Variants in PREX2 observed in about 807,000 individuals in gnomAD.
PREX2 encodes the protein phosphatidylinositol-3,4,5-trisphosphate dependent Rac exchange factor 2, also known as phosphatidylinositol 3,4,5-trisphosphate-dependent Rac exchanger 2 protein.
A neutral mutation model predicts 203.2 loss-of-function variants in PREX2; 107 were observed. The ratio of observed to expected loss-of-function variants is 0.53; its 90% confidence interval spans 0.45 to 0.62. The LOEUF is 0.62. PREX2 is among the 20% of genes least tolerant of loss of function. The pLI is 0.00. For missense variants in PREX2, 1,777 were observed against 1,955.9 expected, an observed-to-expected ratio of 0.91 and a Z score of 1.72; for synonymous variants, 672 against 663.6, an observed-to-expected ratio of 1.01 and a Z score of -0.19.
chr8:68,208,701 A>G (rs1812690025), intron 37 of PREX2, among the ~76,000 whole-genome samples: 1 of 152,148 alleles, frequency 6.6e-6, no homozygotes. Flanking sequence ...AAGATTGCTG[A>G]AACTAATCTG....
intron 35 of PREX2, among the ~76,000 whole-genome samples, chr8:68,188,504 T>G (rs1210174405): frequency 2.6e-5 from 4 of 152,202 alleles, no homozygotes; most frequent in African/African-American, 9.7e-5. Context: ...GGAATGCCAT[T>G]GTATTAGTCT....
chr8:68,129,487 A>C (rs1810959674), intron 31 of PREX2, among the ~76,000 whole-genome samples: 1 of 152,244 alleles, frequency 6.6e-6, no homozygotes, highest in South Asian at 2.1e-4. Context: ...TTATTTGAAA[A>C]GGGTAGACTG....
Position 68,191,733 on chromosome 8 carries a change from T to A in PREX2, c.4358T>A (p.Leu1453Ter). The A allele has an allele frequency of 6.2e-7, 1 of 1,609,400 alleles. No individual in the cohort carries two copies. ...QYNQKLRAFY[L>*]DKSNSPPNST... is the part of the protein sequence containing the mutation. ...TTGGATTCTTACAGGGCATTCTACTTGGACAAGTCAAATTCACCACCAAAC... is the reference window on the plus strand; with the variant it reads ...TTGGATTCTTACAGGGCATTCTACTAGGACAAGTCAAATTCACCACCAAAC... Residue 1453 changes from leucine (L) to a stop codon, truncating the protein, a stop_gained, in exon 36 of 40, where the codon TTG (leucine) becomes TAG (stop). Coordinates refer to ENST00000288368, the MANE Select transcript of PREX2 (RefSeq NM_024870.4). LOFTEE classifies it high-confidence loss of function.
intron 37 of PREX2, among the ~76,000 whole-genome samples, chr8:68,196,806 G>A (rs1335812351): frequency 6.6e-6 from 1 of 151,784 alleles, no homozygotes; most frequent in Non-Finnish European, 1.5e-5. Context: ...ATGATTGTAA[G>A]TTTCCTGAGG....
At chr8:68,216,986 TGAGA>T (rs957650026) in intron 37 of PREX2, among the ~76,000 whole-genome samples, 3 of 127,154 alleles carry the variant, frequency 2.4e-5, no homozygotes, top group Non-Finnish European at 3.3e-5. Flanking sequence ...AAAAAAAAAA[TGAGA>T]GAGAGAGAGA....
intron 4 of PREX2, among the ~76,000 whole-genome samples, chr8:68,023,375 C>G (rs1211631544): frequency 6.6e-6 from 1 of 152,156 alleles, no homozygotes; most frequent in Non-Finnish European, 1.5e-5. Context: ...TTGCCAGTGA[C>G]TAATTACATT....
intron 1 of PREX2, among the ~76,000 whole-genome samples, chr8:67,996,653 A>G (rs73264019): frequency 0.023 from 3,536 of 152,162 alleles, 129 homozygotes; most frequent in African/African-American, 0.078. Flanking sequence ...GATAAAATCT[A>G]TTTTACATTT....
intron 35 of PREX2, among the ~76,000 whole-genome samples, chr8:68,169,721 A>G (rs1483450323): frequency 6.6e-6 from 1 of 152,182 alleles, no homozygotes; most frequent in African/African-American, 2.4e-5. Context: ...GTATTAGGCC[A>G]TCTGAGTCAA....
chr8:68,079,178 A>G (rs1226357363), intron 15 of PREX2, among the ~76,000 whole-genome samples: 1 of 152,156 alleles, frequency 6.6e-6, no homozygotes, highest in East Asian at 1.9e-4. Context: ...AATAGTAACA[A>G]TAAAATAGAT....
intron 1 of PREX2, among the ~76,000 whole-genome samples, chr8:67,972,611 G>A (rs1021195809): frequency 1.3e-5 from 2 of 152,010 alleles, no homozygotes; most frequent in African/African-American, 2.4e-5. Context: ...CACTTCCCCG[G>A]CATTGTTCAT....
At chr8:67,962,192 G>C (rs527707535) in intron 1 of PREX2, among the ~76,000 whole-genome samples, 1 of 152,256 alleles carries the variant, frequency 6.6e-6, no homozygotes, top group African/African-American at 2.4e-5. Flanking sequence ...AGGCTTTATA[G>C]ATGGTGACAC....
intron 1 of PREX2, among the ~76,000 whole-genome samples, chr8:67,989,702 T>C (rs1806542233): frequency 6.6e-6 from 1 of 152,238 alleles, no homozygotes; most frequent in African/African-American, 2.4e-5. Context: ...TCTTTAATTA[T>C]TCAATGTGTT....
chr8:68,004,431 AGTT>A (rs1284692348), intron 1 of PREX2, among the ~76,000 whole-genome samples: 3 of 152,328 alleles, frequency 2.0e-5, no homozygotes, highest in Non-Finnish European at 4.4e-5. Context: ...GGCAATGGGT[AGTT>A]ATTTCAAGTT....
intron 25 of PREX2, among the ~76,000 whole-genome samples, chr8:68,112,818 A>G (rs1810561142): frequency 6.6e-6 from 1 of 152,182 alleles, no homozygotes; most frequent in African/African-American, 2.4e-5. Context: ...TGGGGAAAAT[A>G]ATAATACCTA....
chr8:68,106,860 G>A (rs1810424327), intron 23 of PREX2, among the ~76,000 whole-genome samples: 1 of 152,116 alleles, frequency 6.6e-6, no homozygotes, highest in South Asian at 2.1e-4. Context: ...CATGTCCATT[G>A]TGTTACGAAG....
intron 16 of PREX2, 61 bp downstream of exon 16, chr8:68,080,646 G>A (rs1341288843): frequency 1.2e-5 from 17 of 1,477,768 alleles, no homozygotes; most frequent in East Asian, 2.3e-5. Flanking sequence ...AGAAGACTGC[G>A]TTAAACATGT....
At chr8:68,191,113 T>C (rs1025802925) in intron 35 of PREX2, among the ~76,000 whole-genome samples, 1 of 152,152 alleles carries the variant, frequency 6.6e-6, no homozygotes, top group African/African-American at 2.4e-5. Context: ...ACTTTGTGTG[T>C]TGAAATAGTC....
chr8:67,963,693 A>G (rs571080601), intron 1 of PREX2, among the ~76,000 whole-genome samples: 9 of 151,840 alleles, frequency 5.9e-5, no homozygotes, highest in African/African-American at 1.5e-4. Context: ...TGTACTTAAC[A>G]TATTCTTTTT....
In PREX2 at chr8:68,136,258, G is replaced by A. The variant is rs190929239; in HGVS notation, c.3984+1982G>A. Among the ~76,000 whole-genome samples the A allele has an allele frequency of 4.1e-3, 611 of 149,112 alleles. 8 individuals are homozygous for A. The highest frequency in any genetic ancestry group is 0.014 in the African/African-American group (585 of 41,280). Reference sequence around the variant, plus strand: ...GTGAGTTATATCTCAATGAAGCGGTGTGGTTTTTTTTCAACTGGTCTTGTG... The same window carrying A: ...GTGAGTTATATCTCAATGAAGCGGTATGGTTTTTTTTCAACTGGTCTTGTG... On this transcript the variant is annotated intron_variant, in intron 32 of 39. Coordinates refer to ENST00000288368, the MANE Select transcript of PREX2 (RefSeq NM_024870.4).
Sources: gnomAD v4.1 joint callset for allele counts (sites outside exome capture counted in the v4.1 genomes callset) on GRCh38, gnomAD v4.1.1 for gene constraint, MANE v1.5 for transcripts, NCBI Gene and HGNC (gene_info 2026-07-23, HGNC 2026-07-21) for gene names.